GPC5: variants seen among roughly 807,000 people sequenced by gnomAD.
GPC5 encodes the protein glypican-5.
GPC5 carries 47 observed loss-of-function variants against 53.9 expected under a neutral mutation model. That is an observed-to-expected ratio of 0.87 (90% CI 0.69 to 1.11). The LOEUF (loss-of-function observed/expected upper bound fraction) is 1.11. Ranked by LOEUF, GPC5 falls within the 50% of genes most tolerant of loss-of-function variation. The pLI, the probability that GPC5 is intolerant of heterozygous loss-of-function variation, is 0.00. For missense variants in GPC5, 748 were observed against 713.1 expected, an observed-to-expected ratio of 1.05 and a Z score of -0.56; for synonymous variants, 286 against 263.3, an observed-to-expected ratio of 1.09 and a Z score of -0.84.
intron 2 of GPC5, among the ~76,000 whole-genome samples, chr13:91,619,864 C>T (rs1309749766): frequency 6.6e-6 from 1 of 152,022 alleles, no homozygotes; most frequent in Non-Finnish European, 1.5e-5. Flanking sequence ...TTTGTATGCA[C>T]TTAATATTTA....
chr13:91,967,999 T>C (rs1337427275), intron 6 of GPC5, among the ~76,000 whole-genome samples: 1 of 152,152 alleles, frequency 6.6e-6, no homozygotes, highest in Non-Finnish European at 1.5e-5. Context: ...CTATGTATTC[T>C]TTGGGACCAT....
At chr13:91,566,288 G>T (rs933362040) in intron 2 of GPC5, among the ~76,000 whole-genome samples, 2 of 152,032 alleles carry the variant, frequency 1.3e-5, no homozygotes, top group Non-Finnish European at 2.9e-5. Context: ...ATTTCTGGCC[G>T]GGCGCGGTGG....
At chr13:92,034,025 A>G (rs749283188) in intron 6 of GPC5, among the ~76,000 whole-genome samples, 4 of 152,218 alleles carry the variant, frequency 2.6e-5, no homozygotes, top group Non-Finnish European at 2.9e-5. Context: ...TGTTCATTAC[A>G]TGGAATACTA....
intron 2 of GPC5, among the ~76,000 whole-genome samples, chr13:91,619,089 A>G (rs530191032): frequency 2.0e-5 from 3 of 152,148 alleles, no homozygotes; most frequent in South Asian, 4.1e-4. Context: ...AGAGGAGAGA[A>G]TTAACTTACT....
chr13:92,615,780 C>A (rs1190774483), intron 7 of GPC5, among the ~76,000 whole-genome samples: 1 of 152,118 alleles, frequency 6.6e-6, no homozygotes, highest in African/African-American at 2.4e-5. Flanking sequence ...CCAGGCTGGG[C>A]GCGGTGGCTC....
At chr13:92,721,405 A>G (rs368511819) in intron 7 of GPC5, 4 of 152,082 alleles carry the variant, frequency 2.6e-5, no homozygotes, top group African/African-American at 9.7e-5. Context: ...AAACCCTCCA[A>G]TTTCTAAAAA....
intron 7 of GPC5, among the ~76,000 whole-genome samples, chr13:92,742,651 T>C (rs560758990): frequency 6.4e-4 from 97 of 152,262 alleles, no homozygotes; most frequent in African/African-American, 2.3e-3. Flanking sequence ...CACGAAGTCC[T>C]TGCCCATGCC....
intron 7 of GPC5, among the ~76,000 whole-genome samples, chr13:92,188,913 G>A (rs1053975727): frequency 5.3e-5 from 8 of 152,154 alleles, no homozygotes; most frequent in East Asian, 1.9e-4. Flanking sequence ...GTGAGGTCAC[G>A]AGGCAATCAC....
At chr13:91,897,775 G>T (rs1327350175) in intron 5 of GPC5, among the ~76,000 whole-genome samples, 1 of 152,030 alleles carries the variant, frequency 6.6e-6, no homozygotes, top group African/African-American at 2.4e-5. Flanking sequence ...AACACATCTC[G>T]TGACTGCTGT....
At chr13:92,438,273 T>G (rs192568241) in intron 7 of GPC5, among the ~76,000 whole-genome samples, 3 of 151,914 alleles carry the variant, frequency 2.0e-5, no homozygotes, top group African/African-American at 7.2e-5. Context: ...GTTGGGTAAG[T>G]GTTCCCAAAG....
chr13:91,736,951 T>G (rs2036828295), intron 4 of GPC5, among the ~76,000 whole-genome samples: 1 of 148,442 alleles, frequency 6.7e-6, no homozygotes, highest in African/African-American at 2.6e-5. Context: ...TTACTTCAGA[T>G]TATTATTATT....
At chr13:92,051,424 T>C (rs2041028263) in intron 6 of GPC5, among the ~76,000 whole-genome samples, 1 of 151,416 alleles carries the variant, frequency 6.6e-6, no homozygotes, top group East Asian at 1.9e-4. Flanking sequence ...ATGGTCTCGA[T>C]CTCTTGACCT....
rs144451838 is a variant in GPC5 at position 92,155,523 on chromosome 13, A to G, written c.1561+10534A>G. Among the ~76,000 whole-genome samples the G allele has an allele frequency of 8.4e-3, 1,285 of 152,152 alleles. 30 individuals are homozygous for G. Among genetic ancestry groups the G allele is most frequent in the African/African-American group, 0.029 (1,225 of 41,560 alleles). Reference sequence around the variant, plus strand: ...AGGCTTTTATTGAATTATGGTTTTAATAATTTGTTATCTTCTTTTAACTTT... The same window carrying G: ...AGGCTTTTATTGAATTATGGTTTTAGTAATTTGTTATCTTCTTTTAACTTT... On this transcript the variant is annotated intron_variant, in intron 7 of 7. Coordinates refer to ENST00000377067, the MANE Select transcript of GPC5 (RefSeq NM_004466.6).
chr13:92,367,739 C>T (rs921594975), intron 7 of GPC5, among the ~76,000 whole-genome samples: 1 of 152,070 alleles, frequency 6.6e-6, no homozygotes, highest in Admixed American at 6.5e-5. Flanking sequence ...ACATATTTTC[C>T]CATTCCCTCC....
At chr13:92,406,701 G>A (rs1307487129) in intron 7 of GPC5, among the ~76,000 whole-genome samples, 1 of 152,144 alleles carries the variant, frequency 6.6e-6, no homozygotes, top group African/African-American at 2.4e-5. Context: ...GCAGTCAATT[G>A]TGTGTTTTCT....
chr13:91,433,727 G>T (rs940275968), intron 1 of GPC5, among the ~76,000 whole-genome samples: 1 of 152,104 alleles, frequency 6.6e-6, no homozygotes, highest in African/African-American at 2.4e-5. Context: ...GTAATGGGAT[G>T]GCTGGGTCAA....
chr13:92,784,810 A>G (rs1005921225), intron 7 of GPC5, among the ~76,000 whole-genome samples: 5 of 152,200 alleles, frequency 3.3e-5, no homozygotes, highest in African/African-American at 1.2e-4. Flanking sequence ...AAAAGACTCA[A>G]TCGGTTACCA....
chr13:91,963,658 G>C (rs148309532), intron 6 of GPC5, among the ~76,000 whole-genome samples: 2,423 of 152,228 alleles, frequency 0.016, 36 homozygotes, highest in Non-Finnish European at 0.021. Flanking sequence ...TGCAGGAACA[G>C]AGACAAAAAG....
intron 5 of GPC5, among the ~76,000 whole-genome samples, chr13:91,828,854 A>G (rs1566289926): frequency 6.6e-6 from 1 of 152,080 alleles, no homozygotes; most frequent in Non-Finnish European, 1.5e-5. Flanking sequence ...AAAAAAATGT[A>G]CAAAAAAGAA....
Sources: allele counts gnomAD v4.1 joint callset (sites outside exome capture counted in the v4.1 genomes callset), GRCh38; gene constraint gnomAD v4.1.1; transcripts MANE v1.5; gene names NCBI Gene and HGNC (gene_info 2026-07-23, HGNC 2026-07-21).